Variants in MARCHF1 observed in about 807,000 individuals in gnomAD.
The protein encoded by MARCHF1 is membrane associated ring-CH-type finger 1.
Under a neutral mutation model 54.2 loss-of-function variants are expected in MARCHF1, and 40 were observed. The observed-to-expected ratio is 0.74, with a 90% confidence interval of 0.57 to 0.96. MARCHF1 has a LOEUF of 0.96. Among genes scored for constraint, MARCHF1 ranks in the 40% least tolerant of loss-of-function variants. The probability of loss-of-function intolerance (pLI) is 0.00; values close to 1 mark genes in which losing one functional copy is unlikely to be tolerated. For synonymous variants in MARCHF1, 236 were observed against 236.3 expected (o/e 1.00, Z 0.01); for missense variants, 586 against 656.5 (o/e 0.89, Z 1.17).
chr4:164,176,976 CTCTCTATATATA>C lies in MARCHF1; in HGVS notation c.-322-65326_-322-65315del, dbSNP rs1399066415. ...TCTCTCTCTCTCTCTCTCTCTCTCT[CTCTCTATATATA>C]TATATATATATATATATATATACAA... is the stretch of plus-strand genomic sequence containing the variant. On this transcript the variant is annotated intron_variant, in intron 1 of 9. Coordinates refer to ENST00000514618, the MANE Select transcript of MARCHF1 (RefSeq NM_001394959.1). 7.0e-3 allele frequency among the ~76,000 whole-genome samples: 231 copies of C among 32,828 alleles called. 1 individual carries two copies. Among genetic ancestry groups the C allele is most frequent in the Admixed American group, 7.8e-3 (22 of 2,810 alleles). The allele number at this position is 32,828 out of a possible 152,430, so 21.5% of individuals were successfully genotyped here. A position where few individuals can be genotyped will look rare whatever the true frequency, so the allele number is the denominator to read the frequency against.
At chr4:163,638,912 G>C (rs1742451434) in intron 5 of MARCHF1, among the ~76,000 whole-genome samples, 1 of 152,108 alleles carries the variant, frequency 6.6e-6, no homozygotes, top group South Asian at 2.1e-4. Context: ...AAGACATTAT[G>C]CTAAACAAAA....
intron 3 of MARCHF1, among the ~76,000 whole-genome samples, chr4:163,958,008 A>G (rs1378495205): frequency 6.6e-6 from 1 of 152,044 alleles, no homozygotes; most frequent in Non-Finnish European, 1.5e-5. Flanking sequence ...AGAGCCTTAC[A>G]ATAAGAGCCC....
intron 2 of MARCHF1, among the ~76,000 whole-genome samples, chr4:164,005,042 C>T (rs1007692487): frequency 6.6e-6 from 1 of 151,426 alleles, no homozygotes; most frequent in East Asian, 1.9e-4. Flanking sequence ...ATTAGTACAA[C>T]CAGAAGCTGA....
chr4:163,611,107 T>G (rs1398151315), intron 7 of MARCHF1, among the ~76,000 whole-genome samples: 1 of 152,052 alleles, frequency 6.6e-6, no homozygotes, highest in Non-Finnish European at 1.5e-5. Flanking sequence ...GTAAATTAAT[T>G]TGTTTTGGGT....
chr4:163,574,689 C>G (rs1177177943), intron 8 of MARCHF1, among the ~76,000 whole-genome samples: 1 of 152,006 alleles, frequency 6.6e-6, no homozygotes, highest in East Asian at 1.9e-4. Flanking sequence ...TGTTTTGGTA[C>G]CAGTACCATG....
intron 5 of MARCHF1, among the ~76,000 whole-genome samples, chr4:163,626,130 A>G (rs1044393215): frequency 6.6e-6 from 1 of 152,226 alleles, no homozygotes; most frequent in Non-Finnish European, 1.5e-5. Flanking sequence ...TTCAAATGGG[A>G]AAAACAAACA....
intron 4 of MARCHF1, among the ~76,000 whole-genome samples, chr4:163,807,602 A>T (rs574762408): frequency 6.6e-6 from 1 of 152,304 alleles, no homozygotes; most frequent in Admixed American, 6.5e-5. Context: ...CCATTTAATA[A>T]GTATGTTTTG....
chr4:163,628,287 A>G (rs1470236777), intron 5 of MARCHF1, among the ~76,000 whole-genome samples: 2 of 152,238 alleles, frequency 1.3e-5, no homozygotes, highest in African/African-American at 4.8e-5. Flanking sequence ...GCACATAAAC[A>G]GAACCAACGA....
chr4:163,711,011 CA>C (rs35404546), intron 4 of MARCHF1, among the ~76,000 whole-genome samples: 29 of 151,820 alleles, frequency 1.9e-4, no homozygotes, highest in Non-Finnish European at 2.9e-4. Context: ...CACATGAGAA[CA>C]AAAAACTTGC....
intron 5 of MARCHF1, among the ~76,000 whole-genome samples, chr4:163,684,609 A>G (rs1157883491): frequency 6.6e-6 from 1 of 152,234 alleles, no homozygotes; most frequent in East Asian, 1.9e-4. Flanking sequence ...AAATCATGAA[A>G]TGACCAATAT....
rs1746632279 is a variant in MARCHF1, at chr4:163,755,244, G to A, written c.112-54381C>T. The stretch of plus-strand genomic sequence containing the variant: ...CGTTTAGATGTATTCTAAATTCCAA[G>A]CCAATAAAATATGTACAGGGAGATT... On this transcript the variant is annotated intron_variant, in intron 4 of 9. Transcript: ENST00000514618. Among the ~76,000 whole-genome samples the A allele has an allele frequency of 2.6e-5, 4 of 152,114 alleles. 1 individual carries two copies. In the South Asian group the frequency reaches 8.3e-4, roughly 31 times the overall value.
At chr4:163,921,923 T>A (rs1276330010) in intron 3 of MARCHF1, among the ~76,000 whole-genome samples, 3 of 152,148 alleles carry the variant, frequency 2.0e-5, no homozygotes, top group Non-Finnish European at 4.4e-5. Context: ...TGCACACATA[T>A]GTTTATTGCG....
At chr4:163,658,176 G>A (rs992236261) in intron 5 of MARCHF1, among the ~76,000 whole-genome samples, 9 of 151,498 alleles carry the variant, frequency 5.9e-5, no homozygotes, top group East Asian at 3.9e-4. Context: ...TCTAATAGCC[G>A]GAATCTACAA....
intron 3 of MARCHF1, among the ~76,000 whole-genome samples, chr4:163,917,330 C>T (rs536006283): frequency 8.5e-5 from 13 of 152,248 alleles, no homozygotes; most frequent in African/African-American, 2.9e-4. Context: ...AAACTCTCTT[C>T]CAACACAGTA....
intron 1 of MARCHF1, among the ~76,000 whole-genome samples, chr4:164,312,730 C>T (rs2111432857): frequency 6.6e-6 from 1 of 151,952 alleles, no homozygotes; most frequent in East Asian, 1.9e-4. Flanking sequence ...AGTGTTTCTT[C>T]ATGTGGAAGG....
At chr4:164,013,906 T>A (rs536492339) in intron 2 of MARCHF1, among the ~76,000 whole-genome samples, 1 of 152,260 alleles carries the variant, frequency 6.6e-6, no homozygotes, top group South Asian at 2.1e-4. Flanking sequence ...GGCTCACACC[T>A]GTAATCCCAG....
intron 1 of MARCHF1, among the ~76,000 whole-genome samples, chr4:164,339,312 A>G (rs1271967670): frequency 6.6e-6 from 1 of 152,194 alleles, no homozygotes; most frequent in African/African-American, 2.4e-5. Context: ...TCAAAGACAG[A>G]TAATATATGT....
At chr4:164,101,283 C>A (rs1408661510) in intron 2 of MARCHF1, among the ~76,000 whole-genome samples, 1 of 151,582 alleles carries the variant, frequency 6.6e-6, no homozygotes, top group Admixed American at 6.6e-5. Flanking sequence ...GGCCTGCCTG[C>A]CTCTGTAGGC....
At position 163,906,623 on chromosome 4, in the gene MARCHF1, T is replaced by C. The variant is rs184594025; in HGVS notation, c.-38-52454A>G. Among the ~76,000 whole-genome samples the C allele has an allele frequency of 1.2e-4, 19 of 152,054 alleles. No individual in the cohort carries two copies. In the East Asian group the frequency reaches 3.5e-3, roughly 28 times the overall value. ...AACCTATTTATCACCTTTTATCAGC[T>C]ATGTAGCAAGTTTGCATCTTTTTGC... On this transcript the variant is annotated intron_variant, in intron 3 of 9. Coordinates refer to ENST00000514618, the MANE Select transcript of MARCHF1 (RefSeq NM_001394959.1).
Sources: gnomAD v4.1 joint callset for allele counts (sites outside exome capture counted in the v4.1 genomes callset) on GRCh38, gnomAD v4.1.1 for gene constraint, MANE v1.5 for transcripts, NCBI Gene and HGNC (gene_info 2026-07-23, HGNC 2026-07-21) for gene names.